CNBD1: variants seen among roughly 807,000 people sequenced by gnomAD.
The protein encoded by CNBD1 is cyclic nucleotide-binding domain-containing protein 1.
CNBD1 carries 71 observed loss-of-function variants against 54.4 expected under a neutral mutation model. That is an observed-to-expected ratio of 1.30 (90% CI 1.08 to 1.59). CNBD1 has a LOEUF of 1.59. CNBD1 is among the 40% of genes most tolerant of loss of function. The pLI is 0.00. For missense variants in CNBD1, 659 were observed against 518.0 expected (o/e 1.27, Z -2.64); for synonymous variants, 182 against 170.7 (o/e 1.07, Z -0.51).
chr8:87,310,018 C>CATT (rs1396484100), intron 8 of CNBD1, among the ~76,000 whole-genome samples: 3 of 151,998 alleles, frequency 2.0e-5, no homozygotes, highest in Non-Finnish European at 4.4e-5. Flanking sequence ...AAATCAGTAG[C>CATT]ATTTCTATAT....
At chr8:87,281,591 T>G (rs1808603083) in intron 6 of CNBD1, among the ~76,000 whole-genome samples, 1 of 68,918 alleles carries the variant, frequency 1.5e-5, no homozygotes, top group Admixed American at 1.4e-4. Flanking sequence ...TATATATATA[T>G]ATATATATAT....
chr8:87,227,226 T>C (rs1282849656), intron 5 of CNBD1, among the ~76,000 whole-genome samples: 1 of 151,622 alleles, frequency 6.6e-6, no homozygotes, highest in Non-Finnish European at 1.5e-5. Context: ...AATTGGAGCA[T>C]TTAGTCCATT....
intron 2 of CNBD1, among the ~76,000 whole-genome samples, chr8:87,425,166 C>G (rs1158335669): frequency 6.6e-6 from 1 of 152,176 alleles, no homozygotes; most frequent in Non-Finnish European, 1.5e-5. Context: ...TGGTTTTCAG[C>G]TCCATCAGCT....
intron 2 of CNBD1, among the ~76,000 whole-genome samples, chr8:87,416,284 G>A (rs1055450790): frequency 6.6e-6 from 1 of 151,876 alleles, no homozygotes; most frequent in African/African-American, 2.4e-5. Flanking sequence ...GACAAAATAA[G>A]GACCTTCAAA....
intron 4 of CNBD1, among the ~76,000 whole-genome samples, chr8:87,082,537 G>A (rs7813104): frequency 1.3e-5 from 2 of 151,928 alleles, no homozygotes; most frequent in Non-Finnish European, 2.9e-5. Flanking sequence ...ACATCTGCCC[G>A]AGCTTGCTTT....
rs181932521 is a variant in CNBD1 at position 87,260,228 on chromosome 8, C to T, written c.771+23116C>T. ...TAATTACGACCTGAACCCTAAAATT[C>T]CTGTACCCTGGAAGGCAGAGACCAA... On this transcript the variant is annotated intron_variant, in intron 6 of 10. Coordinates refer to ENST00000518476, the MANE Select transcript of CNBD1 (RefSeq NM_173538.3). Among the ~76,000 whole-genome samples the T allele has an allele frequency of 4.1e-3, 626 of 152,266 alleles. 6 individuals are homozygous for T. Among genetic ancestry groups the T allele is most frequent in the African/African-American group, 0.014 (591 of 41,572 alleles).
At chr8:86,947,673 A>G (rs1326212127) in intron 4 of CNBD1, among the ~76,000 whole-genome samples, 11 of 152,028 alleles carry the variant, frequency 7.2e-5, no homozygotes, top group Non-Finnish European at 1.3e-4. Flanking sequence ...GGGGCACATG[A>G]GATGTTTTGA....
At position 87,353,618 on chromosome 8, in the gene CNBD1, A is replaced by G; in HGVS notation, c.1153-18A>G. ...GGAAGCAGTTGCATTAAACATCAAT[A>G]ATATATTTTTTTAACAGAAAAGATC... On this transcript the variant is annotated intron_variant, in intron 9 of 10. Transcript: ENST00000518476. 1.3e-6 allele frequency: 2 copies of G among 1,500,532 alleles called. No homozygotes were observed. Among genetic ancestry groups the G allele is most frequent in the Non-Finnish European group, 1.8e-6 (2 of 1,096,334 alleles). The allele number at this position is 1,500,532 out of a possible 1,614,324, so 93.0% of individuals were successfully genotyped here.
chr8:87,008,238 T>C (rs1027589635), intron 4 of CNBD1, among the ~76,000 whole-genome samples: 1 of 152,194 alleles, frequency 6.6e-6, no homozygotes, highest in South Asian at 2.1e-4. Context: ...CTCTCAGTTG[T>C]TTTTAACGTA....
At chr8:86,926,858 A>G (rs532629722) in intron 3 of CNBD1, among the ~76,000 whole-genome samples, 1 of 152,188 alleles carries the variant, frequency 6.6e-6, no homozygotes, top group Non-Finnish European at 1.5e-5. Context: ...TAAACTGGCT[A>G]TTCTGGCTTC....
chr8:86,936,253 G>A (rs1379551701), intron 3 of CNBD1, among the ~76,000 whole-genome samples: 6 of 152,030 alleles, frequency 3.9e-5, no homozygotes, highest in Non-Finnish European at 7.4e-5. Flanking sequence ...ACGTAATATA[G>A]CTTATTACTA....
intron 2 of CNBD1, among the ~76,000 whole-genome samples, chr8:87,388,978 A>G (rs1014533862): frequency 2.6e-5 from 4 of 152,226 alleles, no homozygotes; most frequent in African/African-American, 4.8e-5. Context: ...TCCAGCATAT[A>G]AACAGAACCA....
intron 3 of CNBD1, among the ~76,000 whole-genome samples, chr8:86,915,168 G>A (rs1257572687): frequency 6.6e-6 from 1 of 152,182 alleles, no homozygotes; most frequent in East Asian, 1.9e-4. Flanking sequence ...TGCAACCATA[G>A]GAATGTGGGA....
chr8:87,082,995 G>A (rs1811027149), intron 4 of CNBD1, among the ~76,000 whole-genome samples: 2 of 152,094 alleles, frequency 1.3e-5, no homozygotes, highest in Admixed American at 1.3e-4. Flanking sequence ...CACATGTTGT[G>A]TTTGAAAACT....
intron 1 of CNBD1, among the ~76,000 whole-genome samples, chr8:86,881,434 T>C (rs1428580022): frequency 6.6e-6 from 1 of 151,820 alleles, no homozygotes; most frequent in Non-Finnish European, 1.5e-5. Flanking sequence ...ACAGAAAGAA[T>C]AAAATACCTA....
intron 4 of CNBD1, among the ~76,000 whole-genome samples, chr8:87,152,104 T>C (rs562270189): frequency 2.0e-5 from 3 of 152,184 alleles, no homozygotes; most frequent in African/African-American, 7.2e-5. Flanking sequence ...TGAAAGTGTT[T>C]AATGTGAAGA....
At chr8:86,989,779 G>T (rs557958265) in intron 4 of CNBD1, among the ~76,000 whole-genome samples, 1 of 152,214 alleles carries the variant, frequency 6.6e-6, no homozygotes, top group South Asian at 2.1e-4. Context: ...GTTCTTTATA[G>T]TGCTTGTACT....
intron 9 of CNBD1, among the ~76,000 whole-genome samples, chr8:87,352,991 A>G (rs146662931): frequency 0.012 from 1,769 of 152,272 alleles, 12 homozygotes; most frequent in Middle Eastern, 0.024. Context: ...CTTAGTGGTC[A>G]TCAACTCCTA....
At chr8:87,043,293 A>G (rs1810113272) in intron 4 of CNBD1, among the ~76,000 whole-genome samples, 5 of 152,138 alleles carry the variant, frequency 3.3e-5, no homozygotes, top group Admixed American at 3.3e-4. Context: ...CCCTCCTCAT[A>G]GTTGCTTACT....
Sources: allele counts gnomAD v4.1 joint callset (sites outside exome capture counted in the v4.1 genomes callset), GRCh38; gene constraint gnomAD v4.1.1; transcripts MANE v1.5; gene names NCBI Gene and HGNC (gene_info 2026-07-23, HGNC 2026-07-21).